ALKBH1: variants seen among roughly 807,000 people sequenced by gnomAD.
ALKBH1 encodes the protein alkB homolog 1, histone H2A dioxygenase.
A neutral mutation model predicts 36.6 loss-of-function variants in ALKBH1; 31 were observed. The observed-to-expected ratio is 0.85, with a 90% CI of 0.64 to 1.14. The LOEUF (loss-of-function observed/expected upper bound fraction) is 1.14, where lower values mean the gene tolerates loss of function less well. Ranked by LOEUF, ALKBH1 falls within the 50% of genes most tolerant of loss-of-function variation. The pLI is 0.00. For synonymous variants in ALKBH1, 183 were observed against 186.6 expected (o/e 0.98, Z 0.16); for missense variants, 490 against 497.3 (o/e 0.99, Z 0.14).
chr14:77,686,265 G>C (rs1441152205), intron 3 of ALKBH1, among the ~76,000 whole-genome samples: 4 of 152,150 alleles, frequency 2.6e-5, no homozygotes, highest in African/African-American at 7.2e-5. Context: ...AAAATACTGA[G>C]AGAATCACTG....
At position 77,680,677 on chromosome 14, in the gene ALKBH1, C is replaced by CTCTTTTTTTTT. The variant is rs774703181; in HGVS notation, c.456-708_456-707insAAAAAAAAAGA. ...GATCAAATCTATGTGATTAACTACT[C>CTCTTTTTTTTT]TTTTTTTTTTTTTTTTTTTGAGACA... is the stretch of plus-strand genomic sequence containing the variant. On this transcript the variant is annotated intron_variant, in intron 3 of 5. Coordinates refer to ENST00000216489, the MANE Select transcript of ALKBH1 (RefSeq NM_006020.3). 1.6e-3 allele frequency among the ~76,000 whole-genome samples: 198 copies of CTCTTTTTTTTT among 124,296 alleles called. 1 individual carries two copies. The highest frequency in any genetic ancestry group is 2.4e-3 in the African/African-American group (74 of 31,348). 81.5% of individuals were successfully genotyped at this position (124,296 alleles called of 152,430 possible). A position where few individuals can be genotyped will look rare whatever the true frequency, so the allele number is the denominator to read the frequency against.
chr14:77,681,506 G>C (rs2267761), intron 3 of ALKBH1, among the ~76,000 whole-genome samples: 24,447 of 152,204 alleles, frequency 0.16, 2,050 homozygotes, highest in East Asian at 0.26. Flanking sequence ...GATGCTATCT[G>C]TCCTCACAGA....
At chr14:77,704,308 G>A in intron 2 of ALKBH1, 61 bp downstream of exon 2, 1 of 1,195,720 alleles carries the variant, frequency 8.4e-7, no homozygotes, top group Non-Finnish European at 1.2e-6. Context: ...TACCTTCTTT[G>A]AAGACATGAA....
At position 77,672,622 on chromosome 14, in the gene ALKBH1, AT is replaced by A. The variant is rs1734224457; in HGVS notation, c.*1189del. On this transcript the variant is annotated 3_prime_UTR_variant, in exon 6 of 6. Transcript: ENST00000216489. ...TTCAAAGAGCCCTTATAATAAAACA[AT>A]TTTGGCACATCATGTTTGTAGAAAG... The A allele has an allele frequency of 6.6e-6, 1 of 152,204 alleles. No individual in the cohort carries two copies. The highest frequency in any genetic ancestry group is 2.4e-5 in the African/African-American group (1 of 41,450). The allele number at this position is 152,204 out of a possible 1,614,324, so 9.4% of individuals were successfully genotyped here.
rs1373900088 is a variant in ALKBH1 at position 77,698,635 on chromosome 14, C to T, written c.293-3735G>A. On this transcript the variant is annotated intron_variant, in intron 2 of 5. Transcript: ENST00000216489. ...AGCTTAAGGATTTCTGAATTAAATG[C>T]TGGCAATAATTTGAAGGTCTTCTTC... 3.9e-5 allele frequency among the ~76,000 whole-genome samples: 6 copies of T among 152,332 alleles called. No homozygotes were observed. In the East Asian group the frequency reaches 7.7e-4, roughly 20 times the overall value.
chr14:77,679,327 A>G (rs1007683834), intron 4 of ALKBH1, among the ~76,000 whole-genome samples: 1 of 152,220 alleles, frequency 6.6e-6, no homozygotes, highest in Non-Finnish European at 1.5e-5. Context: ...AGATGGTGAG[A>G]ACTGCTCTTG....
intron 3 of ALKBH1, among the ~76,000 whole-genome samples, chr14:77,689,133 A>G (rs1162918243): frequency 6.6e-6 from 1 of 152,186 alleles, no homozygotes; most frequent in Non-Finnish European, 1.5e-5. Context: ...CTCTGACTAT[A>G]CAATTTTCTC....
intron 4 of ALKBH1, among the ~76,000 whole-genome samples, chr14:77,679,505 A>G (rs533414355): frequency 2.7e-4 from 41 of 152,060 alleles, no homozygotes; most frequent in African/African-American, 6.0e-4. Flanking sequence ...ATCTTGGCTC[A>G]CTGCAACCTC....
At chr14:77,683,247 C>A in intron 3 of ALKBH1, 1 of 768,422 alleles carries the variant, frequency 1.3e-6, no homozygotes, top group East Asian at 2.6e-5. Flanking sequence ...GCTCAGGCTC[C>A]TTCCCATTTG....
intron 3 of ALKBH1, among the ~76,000 whole-genome samples, chr14:77,691,459 A>G (rs1026906793): frequency 6.6e-6 from 1 of 152,172 alleles, no homozygotes; most frequent in East Asian, 1.9e-4. Context: ...CAAAGTTGGG[A>G]GAGCTGCCAG....
In ALKBH1 at chr14:77,673,562, C is replaced by G; in HGVS notation, c.*250G>C. The G allele has an allele frequency of 2.0e-6, 1 of 506,702 alleles. No homozygotes were observed. The highest frequency in any genetic ancestry group is 3.4e-5 in the East Asian group (1 of 29,004). The allele number at this position is 506,702 out of a possible 1,614,324, so 31.4% of individuals were successfully genotyped here. A position where few individuals can be genotyped will look rare whatever the true frequency, so the allele number is the denominator to read the frequency against. On this transcript the variant is annotated 3_prime_UTR_variant, in exon 6 of 6. Coordinates refer to ENST00000216489, the MANE Select transcript of ALKBH1 (RefSeq NM_006020.3). ...AAGGCTGTTGTGGAAGAACATACCT[C>G]CTTGGACTGACTTCTCAACATACAT...
Position 77,679,885 on chromosome 14 carries a change from T to G in ALKBH1, c.541A>C (p.Ser181Arg), listed in dbSNP as rs746052021. ...VTVGYHYNWD[S>R]KKYSADHYTP... ...AATTAAGAAAACCTGAATACCTTACTGTCCCAGTTATAATGGTAGCCTACG... is the reference window on the plus strand; with the variant it reads ...AATTAAGAAAACCTGAATACCTTACGGTCCCAGTTATAATGGTAGCCTACG... The change falls in exon 4 of 6, where the codon AGT (serine) becomes CGT (arginine). Residue 181 changes from serine (S) to arginine (R), a missense_variant. Physicochemically the swap from Ser to Arg is moderately radical, Grantham distance 110. Transcript: ENST00000216489. The G allele has an allele frequency of 6.2e-7, 1 of 1,613,722 alleles. No homozygotes were observed. Among genetic ancestry groups the G allele is most frequent in the Non-Finnish European group, 8.5e-7 (1 of 1,179,588 alleles).
chr14:77,675,433 C>CA (rs3837645), intron 5 of ALKBH1, among the ~76,000 whole-genome samples: 45,857 of 147,660 alleles, frequency 0.31, 7,419 homozygotes, highest in African/African-American at 0.37. Flanking sequence ...GACTCTGTTT[C>CA]AAAAAAAAAC....
intron 3 of ALKBH1, chr14:77,683,468 C>T: frequency 1.4e-6 from 1 of 729,886 alleles, no homozygotes. Context: ...ATGCTAACAG[C>T]ATGCTGGGGA....
At chr14:77,704,294 A>T in intron 2 of ALKBH1, 75 bp downstream of exon 2, 1 of 1,088,312 alleles carries the variant, frequency 9.2e-7, no homozygotes, top group Non-Finnish European at 1.4e-6. Flanking sequence ...TTGCTCACAC[A>T]CAGTACCTTC....
At chr14:77,684,314 A>G (rs1440823360) in intron 3 of ALKBH1, among the ~76,000 whole-genome samples, 1 of 152,126 alleles carries the variant, frequency 6.6e-6, no homozygotes. Context: ...AAAAAACAAA[A>G]CACAATACCG....
intron 1 of ALKBH1, among the ~76,000 whole-genome samples, chr14:77,706,678 A>AT (rs1566819424): frequency 1.3e-5 from 2 of 152,216 alleles, no homozygotes; most frequent in East Asian, 3.8e-4. Context: ...AAGCATGTAC[A>AT]TATTATGGTA....
intron 5 of ALKBH1, among the ~76,000 whole-genome samples, chr14:77,675,207 C>T (rs1439922037): frequency 6.6e-6 from 1 of 151,494 alleles, no homozygotes; most frequent in African/African-American, 2.4e-5. Context: ...CCGAAGTGGG[C>T]GGATTGCCTG....
At chr14:77,707,468 G>T (rs2080401213) in intron 1 of ALKBH1, among the ~76,000 whole-genome samples, 1 of 151,956 alleles carries the variant, frequency 6.6e-6, no homozygotes, top group Admixed American at 6.6e-5. Context: ...CTCGGGAGTG[G>T]TTTTTTTTAA....
Sources: gnomAD v4.1 joint callset for allele counts (sites outside exome capture counted in the v4.1 genomes callset) on GRCh38, gnomAD v4.1.1 for gene constraint, MANE v1.5 for transcripts, NCBI Gene and HGNC (gene_info 2026-07-23, HGNC 2026-07-21) for gene names.